CACNA2D3: variants seen among roughly 807,000 people sequenced by gnomAD.
The protein encoded by CACNA2D3 is voltage-dependent calcium channel subunit alpha-2/delta-3.
In CACNA2D3, 60 loss-of-function variants were observed where a neutral mutation model predicts 160.6. The ratio of observed to expected loss-of-function variants is 0.37; its 90% confidence interval spans 0.30 to 0.46. The LOEUF (loss-of-function observed/expected upper bound fraction) is 0.46, where lower values mean the gene tolerates loss of function less well. Ranked by LOEUF, CACNA2D3 falls within the 20% of genes least tolerant of loss-of-function variation. The probability of loss-of-function intolerance (pLI) is 1.00; values close to 1 mark genes in which losing one functional copy is unlikely to be tolerated. For missense variants in CACNA2D3, 1,205 were observed against 1,365.0 expected, an observed-to-expected ratio of 0.88 and a Z score of 1.85; for synonymous variants, 558 against 492.9, an observed-to-expected ratio of 1.13 and a Z score of -1.75.
intron 17 of CACNA2D3, among the ~76,000 whole-genome samples, chr3:54,867,673 C>T (rs1699434824): frequency 6.6e-6 from 1 of 152,178 alleles, no homozygotes; most frequent in Non-Finnish European, 1.5e-5. Context: ...CTTTTCTCTG[C>T]TTTCCCTGCA....
chr3:54,632,982 G>A (rs1358947508), intron 10 of CACNA2D3, among the ~76,000 whole-genome samples: 3 of 152,196 alleles, frequency 2.0e-5, no homozygotes, highest in Non-Finnish European at 4.4e-5. Flanking sequence ...CAGGGGCTGC[G>A]TCTGCTCATT....
chr3:54,349,897 G>A (rs994807518), intron 3 of CACNA2D3, among the ~76,000 whole-genome samples: 3 of 152,316 alleles, frequency 2.0e-5, no homozygotes, highest in Non-Finnish European at 2.9e-5. Context: ...ATGTGTCTGC[G>A]TATGCTGGCT....
chr3:55,015,494 A>C (rs1420171493), intron 34 of CACNA2D3, among the ~76,000 whole-genome samples: 1 of 152,244 alleles, frequency 6.6e-6, no homozygotes, highest in Non-Finnish European at 1.5e-5. Flanking sequence ...TGCCATCATT[A>C]GTTTTTTATA....
At chr3:54,854,598 G>A (rs1699126774) in intron 17 of CACNA2D3, among the ~76,000 whole-genome samples, 1 of 152,130 alleles carries the variant, frequency 6.6e-6, no homozygotes, top group South Asian at 2.1e-4. Context: ...CAGGCTACCA[G>A]GAATCACAAC....
intron 3 of CACNA2D3, among the ~76,000 whole-genome samples, chr3:54,335,731 G>A (rs1228130630): frequency 2.0e-5 from 3 of 152,056 alleles, no homozygotes; most frequent in East Asian, 1.9e-4. Flanking sequence ...GCGGCCAGGC[G>A]CAGTGGCTCA....
At chr3:54,723,301 C>G (rs1575441527) in intron 11 of CACNA2D3, among the ~76,000 whole-genome samples, 1 of 128,156 alleles carries the variant, frequency 7.8e-6, no homozygotes, top group South Asian at 2.7e-4. Context: ...GTGAGAATTT[C>G]AAGCCAGTGG....
chr3:54,635,468 A>T (rs957602269), intron 10 of CACNA2D3, among the ~76,000 whole-genome samples: 1 of 152,044 alleles, frequency 6.6e-6, no homozygotes, highest in Non-Finnish European at 1.5e-5. Flanking sequence ...AAATAGGAGT[A>T]TGACTAGACA....
chr3:54,657,465 G>T (rs1002794666), intron 11 of CACNA2D3, among the ~76,000 whole-genome samples: 5 of 152,158 alleles, frequency 3.3e-5, no homozygotes, highest in Non-Finnish European at 5.9e-5. Flanking sequence ...TTATACAGCA[G>T]ATCACTGGAA....
intron 13 of CACNA2D3, among the ~76,000 whole-genome samples, chr3:54,801,922 C>G (rs1028622333): frequency 6.6e-6 from 1 of 152,120 alleles, no homozygotes; most frequent in African/African-American, 2.4e-5. Context: ...ATTTGGAATA[C>G]ATAGATACCA....
chr3:54,213,409 C>T (rs953632723), intron 2 of CACNA2D3, among the ~76,000 whole-genome samples: 1 of 152,188 alleles, frequency 6.6e-6, no homozygotes, highest in Non-Finnish European at 1.5e-5. Flanking sequence ...CCTGCCTTAA[C>T]CCCCGGGGAA....
intron 27 of CACNA2D3, among the ~76,000 whole-genome samples, chr3:54,933,812 A>G (rs1327623831): frequency 6.7e-6 from 1 of 150,072 alleles, no homozygotes; most frequent in East Asian, 2.0e-4. Flanking sequence ...AGGCCACTGC[A>G]GGCTAGAGTG....
chr3:54,298,331 A>G (rs1483579834), intron 2 of CACNA2D3, among the ~76,000 whole-genome samples: 1 of 152,232 alleles, frequency 6.6e-6, no homozygotes, highest in African/African-American at 2.4e-5. Flanking sequence ...GATCCTTTCT[A>G]GCACTCACAC....
At chr3:54,323,407 A>G (rs1426705358) in intron 3 of CACNA2D3, among the ~76,000 whole-genome samples, 1 of 150,998 alleles carries the variant, frequency 6.6e-6, no homozygotes, top group African/African-American at 2.4e-5. Flanking sequence ...CATGCCACCC[A>G]CTGGGCAGTG....
chr3:54,937,349 A>G (rs973736535), intron 27 of CACNA2D3, among the ~76,000 whole-genome samples: 6 of 152,288 alleles, frequency 3.9e-5, no homozygotes, highest in African/African-American at 7.2e-5. Context: ...TTATACCACT[A>G]TGCAAATACA....
At chr3:54,337,459 T>C (rs1328172242) in intron 3 of CACNA2D3, among the ~76,000 whole-genome samples, 1 of 152,158 alleles carries the variant, frequency 6.6e-6, no homozygotes, top group African/African-American at 2.4e-5. Flanking sequence ...TGTCTTAGAA[T>C]TCCTTTAAAA....
intron 29 of CACNA2D3, among the ~76,000 whole-genome samples, chr3:54,981,446 A>T (rs1356062397): frequency 6.6e-6 from 1 of 152,156 alleles, no homozygotes; most frequent in Non-Finnish European, 1.5e-5. Context: ...CTTTACAGAG[A>T]ATTTTTACCT....
At chr3:54,899,654 A>G (rs1700280420) in intron 26 of CACNA2D3, 134 bp from the exon 27 acceptor site, 2 of 653,590 alleles carry the variant, frequency 3.1e-6, no homozygotes, top group Admixed American at 4.9e-5. Flanking sequence ...TCCACACCTC[A>G]GAGGACTCTG....
At chr3:54,676,512 C>T (rs1700247652) in intron 11 of CACNA2D3, among the ~76,000 whole-genome samples, 1 of 152,016 alleles carries the variant, frequency 6.6e-6, no homozygotes, top group Non-Finnish European at 1.5e-5. Context: ...GTGCTGGGCC[C>T]CTACCTGTTG....
chr3:54,726,120 GACAA>G (rs1308457446), intron 11 of CACNA2D3, among the ~76,000 whole-genome samples: 4 of 152,002 alleles, frequency 2.6e-5, no homozygotes, highest in Non-Finnish European at 4.4e-5. Flanking sequence ...ACCAATAATA[GACAA>G]ACAGAGAGCC....
Sources: allele counts gnomAD v4.1 joint callset (sites outside exome capture counted in the v4.1 genomes callset), GRCh38; gene constraint gnomAD v4.1.1; transcripts MANE v1.5; gene names NCBI Gene and HGNC (gene_info 2026-07-23, HGNC 2026-07-21).